The following DLGAP1 variants were observed in gnomAD, a reference collection of about 807,000 sequenced individuals.
The protein encoded by DLGAP1 is disks large-associated protein 1.
In DLGAP1, 11 loss-of-function variants were observed where a neutral mutation model predicts 90.8. The ratio of observed to expected loss-of-function variants is 0.12; its 90% CI spans 0.08 to 0.20. DLGAP1 has a LOEUF of 0.20. Ranked by LOEUF, DLGAP1 falls within the 10% of genes least tolerant of loss-of-function variation. The probability of loss-of-function intolerance (pLI) is 1.00; values close to 1 mark genes in which losing one functional copy is unlikely to be tolerated. For synonymous variants in DLGAP1, 558 were observed against 540.7 expected (o/e 1.03, Z -0.44); for missense variants, 1,050 against 1,333.8 (o/e 0.79, Z 3.31).
intron 9 of DLGAP1, among the ~76,000 whole-genome samples, chr18:3,559,515 AT>A (rs1359939899): frequency 6.7e-6 from 1 of 148,230 alleles, no homozygotes; most frequent in Non-Finnish European, 1.5e-5. Context: ...ATATGATTGA[AT>A]TTTCTCTCCT....
chr18:4,279,121 G>C (rs1451897093), intron 1 of DLGAP1, among the ~76,000 whole-genome samples: 1 of 152,220 alleles, frequency 6.6e-6, no homozygotes, highest in African/African-American at 2.4e-5. Context: ...CGCTGGACTG[G>C]AAGTGGCAGA....
At chr18:4,045,232 C>G (rs757705163) in intron 2 of DLGAP1, among the ~76,000 whole-genome samples, 5 of 151,794 alleles carry the variant, frequency 3.3e-5, no homozygotes, top group Non-Finnish European at 5.9e-5. Context: ...CCATGAAACC[C>G]TCTTCTAATC....
intron 1 of DLGAP1, among the ~76,000 whole-genome samples, chr18:4,262,967 T>A (rs777584136): frequency 6.6e-5 from 10 of 152,128 alleles, no homozygotes; most frequent in Non-Finnish European, 1.5e-5. Flanking sequence ...GAAGTCTCAC[T>A]CTGTCACTAG....
At chr18:4,124,885 C>G (rs1393829924) in intron 2 of DLGAP1, among the ~76,000 whole-genome samples, 1 of 152,134 alleles carries the variant, frequency 6.6e-6, no homozygotes, top group African/African-American at 2.4e-5. Context: ...GCAGTAGAAA[C>G]TTTGACAGGC....
At chr18:3,935,335 A>G (rs1411949375) in intron 3 of DLGAP1, among the ~76,000 whole-genome samples, 1 of 152,246 alleles carries the variant, frequency 6.6e-6, no homozygotes, top group Non-Finnish European at 1.5e-5. Flanking sequence ...AGATTAATTA[A>G]GTGTTGGAAT....
intron 4 of DLGAP1, among the ~76,000 whole-genome samples, chr18:3,862,654 C>G (rs7243793): frequency 0.51 from 77,058 of 152,134 alleles, 21,346 homozygotes; most frequent in African/African-American, 0.73. Context: ...TAAAAGGTGG[C>G]TAAGAATCCC....
intron 1 of DLGAP1, among the ~76,000 whole-genome samples, chr18:4,235,274 T>C (rs943891894): frequency 7.2e-5 from 11 of 152,082 alleles, no homozygotes; most frequent in Non-Finnish European, 1.5e-5. Context: ...TTTAGAAAAA[T>C]TGTTTGATTT....
chr18:4,328,831 C>T (rs537633081), intron 1 of DLGAP1, among the ~76,000 whole-genome samples: 2 of 152,062 alleles, frequency 1.3e-5, no homozygotes, highest in East Asian at 1.9e-4. Flanking sequence ...ATTTGGCATT[C>T]ATTTACCTTC....
chr18:4,368,678 CACACAT>C (rs1207570922), intron 1 of DLGAP1, among the ~76,000 whole-genome samples: 4 of 133,170 alleles, frequency 3.0e-5, no homozygotes, highest in Middle Eastern at 4.0e-3. Flanking sequence ...CACACACACA[CACACAT>C]CCTATTGGTT....
chr18:3,981,878 T>G (rs2149031964), intron 3 of DLGAP1, among the ~76,000 whole-genome samples: 1 of 152,340 alleles, frequency 6.6e-6, no homozygotes, highest in South Asian at 2.1e-4. Context: ...TCTTCCCTCC[T>G]CTGATCTCCT....
At chr18:3,763,438 A>T (rs930571418) in intron 5 of DLGAP1, among the ~76,000 whole-genome samples, 8 of 152,132 alleles carry the variant, frequency 5.3e-5, no homozygotes, top group Non-Finnish European at 1.0e-4. Context: ...TTGTGATCAC[A>T]TGAGTCAATA....
intron 5 of DLGAP1, among the ~76,000 whole-genome samples, chr18:3,772,321 CCTTT>C (rs1166603879): frequency 1.2e-5 from 1 of 81,770 alleles, no homozygotes; most frequent in Non-Finnish European, 2.6e-5. Flanking sequence ...TTCCTTCCTT[CCTTT>C]CTCTCCTTCT....
At chr18:4,188,055 TA>T (rs1172258798) in intron 1 of DLGAP1, among the ~76,000 whole-genome samples, 1 of 152,116 alleles carries the variant, frequency 6.6e-6, no homozygotes, top group African/African-American at 2.4e-5. Context: ...TTTATTGTTT[TA>T]AGAAAAAATT....
chr18:3,855,706 C>T (rs763974005), intron 4 of DLGAP1, among the ~76,000 whole-genome samples: 19 of 152,062 alleles, frequency 1.2e-4, no homozygotes, highest in Middle Eastern at 3.2e-3. Context: ...CTCCACCTCC[C>T]CGGTACAAGC....
Position 3,879,524 on chromosome 18 carries a change from C to T in DLGAP1, c.545G>A (p.Ser182Asn), listed in dbSNP as rs1163690528. ...CTCCGCGCGCCGCTCCTTGCTCTTG[C>T]TGCGTTTGCCATAGCGCGCCGCCTG... ...EAQAARYGKR[S>N]KSKERRAEPK... The change falls in exon 4 of 13, where the codon AGC (serine) becomes AAC (asparagine). Residue 182 changes from serine to asparagine, a missense_variant. Physicochemically the swap from Ser to Asn is conservative, Grantham distance 46 (BLOSUM62 1). Transcript: ENST00000315677. This position sits in a 1 kb window ranked among gnomAD's most constrained non-coding sequence, Gnocchi z 6.6. 1.2e-6 allele frequency: 2 copies of T among 1,601,896 alleles called. No individual in the cohort carries two copies. The highest frequency in any genetic ancestry group is 2.2e-5 in the East Asian group (1 of 44,840).
intron 4 of DLGAP1, among the ~76,000 whole-genome samples, chr18:3,853,440 A>G (rs965418436): frequency 6.6e-6 from 1 of 152,130 alleles, no homozygotes; most frequent in South Asian, 2.1e-4. Flanking sequence ...GTTTAGGCAC[A>G]CAAATACTTA....
intron 7 of DLGAP1, chr18:3,597,313 A>G: frequency 4.3e-6 from 2 of 463,620 alleles, no homozygotes; most frequent in Non-Finnish European, 4.2e-6. Context: ...GCAACAGGCT[A>G]TGAAGACTCC....
intron 4 of DLGAP1, among the ~76,000 whole-genome samples, chr18:3,822,978 T>C (rs1372357287): frequency 6.6e-6 from 1 of 152,152 alleles, no homozygotes; most frequent in East Asian, 1.9e-4. Context: ...AGACAAGATA[T>C]TAAGATTCTA....
chr18:3,928,931 A>G (rs2072454190), intron 3 of DLGAP1, among the ~76,000 whole-genome samples: 1 of 152,080 alleles, frequency 6.6e-6, no homozygotes. Flanking sequence ...CTAATGTTTT[A>G]GCACCATCCC....
Sources: allele counts gnomAD v4.1 joint callset (sites outside exome capture counted in the v4.1 genomes callset), GRCh38; gene constraint gnomAD v4.1.1; non-coding constraint Gnocchi (gnomAD v3.1); transcripts MANE v1.5; gene names NCBI Gene and HGNC (gene_info 2026-07-23, HGNC 2026-07-21).